Variants in ANKRD44 observed in about 807,000 individuals in gnomAD.
The protein encoded by ANKRD44 is serine/threonine-protein phosphatase 6 regulatory ankyrin repeat subunit B.
ANKRD44 carries 35 observed loss-of-function variants against 116.0 expected under a neutral mutation model. The ratio of observed to expected loss-of-function variants is 0.30; its 90% CI spans 0.23 to 0.40. The LOEUF (loss-of-function observed/expected upper bound fraction) is 0.40. Among genes scored for constraint, ANKRD44 ranks in the 10% least tolerant of loss-of-function variants. The pLI, the probability that ANKRD44 is intolerant of heterozygous loss-of-function variation, is 1.00. For synonymous variants in ANKRD44, 435 were observed against 461.8 expected (o/e 0.94, Z 0.74); for missense variants, 1,014 against 1,242.6 (o/e 0.82, Z 2.77).
At chr2:197,147,402 C>T (rs2079531870) in intron 2 of ANKRD44, among the ~76,000 whole-genome samples, 1 of 143,084 alleles carries the variant, frequency 7.0e-6, no homozygotes, top group Non-Finnish European at 1.5e-5. Flanking sequence ...TTTCAACTTA[C>T]AGTATTTCCA....
At chr2:197,044,161 G>A (rs1338706952) in intron 16 of ANKRD44, among the ~76,000 whole-genome samples, 1 of 152,168 alleles carries the variant, frequency 6.6e-6, no homozygotes, top group Non-Finnish European at 1.5e-5. Context: ...ATACTTCTCT[G>A]TATGTTATCA....
At chr2:197,291,927 G>GCT (rs1344408259) in intron 1 of ANKRD44, among the ~76,000 whole-genome samples, 1 of 151,642 alleles carries the variant, frequency 6.6e-6, no homozygotes, top group Non-Finnish European at 1.5e-5. Flanking sequence ...TGCAGTGTTT[G>GCT]CTCTTCTGTC....
chr2:197,131,057 C>T (rs1181245339), intron 4 of ANKRD44, among the ~76,000 whole-genome samples: 1 of 152,214 alleles, frequency 6.6e-6, no homozygotes, highest in African/African-American at 2.4e-5. Flanking sequence ...ACTTCGTTGG[C>T]TCCCTACTAA....
chr2:197,019,005 G>C (rs2076444739), intron 17 of ANKRD44, among the ~76,000 whole-genome samples: 1 of 152,074 alleles, frequency 6.6e-6, no homozygotes, highest in Admixed American at 6.5e-5. Flanking sequence ...ACGCTTTTAG[G>C]TGCCATCTTA....
intron 17 of ANKRD44, chr2:197,015,060 T>C (rs2076366159): frequency 4.2e-6 from 1 of 239,740 alleles, no homozygotes; most frequent in South Asian, 5.9e-5. Flanking sequence ...AGAGAACATT[T>C]TGAGAAATGG....
At chr2:196,996,288 C>T (rs910523996) in intron 25 of ANKRD44, among the ~76,000 whole-genome samples, 2 of 152,214 alleles carry the variant, frequency 1.3e-5, no homozygotes, top group African/African-American at 2.4e-5. Context: ...CTTATATTCA[C>T]CAAAATACTA....
chr2:197,105,576 G>A (rs1446740995), intron 9 of ANKRD44, among the ~76,000 whole-genome samples: 3 of 152,210 alleles, frequency 2.0e-5, no homozygotes, highest in Non-Finnish European at 4.4e-5. Context: ...CATTGGTGGA[G>A]ATCACGGAAT....
intron 1 of ANKRD44, among the ~76,000 whole-genome samples, chr2:197,289,696 G>A (rs551148811): frequency 3.3e-4 from 50 of 152,144 alleles, no homozygotes; most frequent in Admixed American, 5.2e-4. Flanking sequence ...ATTTGCCTAG[G>A]ATGTAAAGTA....
chr2:197,248,578 G>GTGTATATATATATATATATATATA (rs544362365), intron 1 of ANKRD44, among the ~76,000 whole-genome samples: 2 of 144,226 alleles, frequency 1.4e-5, no homozygotes, highest in African/African-American at 5.4e-5. Context: ...GTGTGTGTGT[G>GTGTATATATATATATATATATATA]TATATATATA....
intron 1 of ANKRD44, among the ~76,000 whole-genome samples, chr2:197,250,565 G>A (rs1482461296): frequency 1.3e-5 from 2 of 152,222 alleles, no homozygotes; most frequent in East Asian, 3.9e-4. Flanking sequence ...AGTTAAGAGT[G>A]CCTCCCAAAT....
intron 17 of ANKRD44, among the ~76,000 whole-genome samples, chr2:197,020,752 C>T (rs954165497): frequency 6.6e-6 from 1 of 151,580 alleles, no homozygotes; most frequent in Non-Finnish European, 1.5e-5. Context: ...CTTTAAAAAG[C>T]CTTATTAGGT....
At chr2:197,040,472 G>A (rs933228555) in intron 16 of ANKRD44, among the ~76,000 whole-genome samples, 6 of 149,910 alleles carry the variant, frequency 4.0e-5, no homozygotes, top group Non-Finnish European at 7.4e-5. Flanking sequence ...CGCTTCCCGG[G>A]CTCAAGTGAT....
rs545970586 is a variant in ANKRD44, at chr2:197,096,343, AC to A, written c.1100+3472del. ...GAGCCAGTTATTCATAAACTATAAT[AC>A]CCCTAATTCTGCTGTTGAGGCAGAA... On this transcript the variant is annotated intron_variant, in intron 10 of 27. Transcript: ENST00000282272. 8.3e-4 allele frequency among the ~76,000 whole-genome samples: 126 copies of A among 152,316 alleles called. 1 individual carries two copies. In the South Asian group the frequency reaches 0.026, roughly 31 times the overall value.
chr2:197,114,917 G>A (rs549890203), intron 8 of ANKRD44, among the ~76,000 whole-genome samples: 7 of 152,150 alleles, frequency 4.6e-5, no homozygotes, highest in East Asian at 1.9e-4. Context: ...GAGATGGAAC[G>A]TGGTTGGCTC....
intron 3 of ANKRD44, among the ~76,000 whole-genome samples, chr2:197,146,471 G>A (rs2079505105): frequency 6.6e-6 from 1 of 152,000 alleles, no homozygotes. Flanking sequence ...AATCTAGGGT[G>A]TGCATATATA....
chr2:197,099,641 T>C (rs2078242654), intron 10 of ANKRD44, 175 bp downstream of exon 10: 3 of 1,311,836 alleles, frequency 2.3e-6, no homozygotes, highest in South Asian at 4.8e-5. Context: ...TTGGTTCTTC[T>C]TTGCCTCTGT....
intron 1 of ANKRD44, among the ~76,000 whole-genome samples, chr2:197,258,609 G>A (rs867197021): frequency 2.3e-4 from 35 of 152,054 alleles, no homozygotes; most frequent in African/African-American, 6.8e-4. Context: ...ATACCCAGAC[G>A]TAGGATTGCT....
chr2:197,012,747 C>T (rs770345798), intron 18 of ANKRD44, among the ~76,000 whole-genome samples: 1 of 152,184 alleles, frequency 6.6e-6, no homozygotes, highest in Non-Finnish European at 1.5e-5. Flanking sequence ...CACTTATTTG[C>T]TTCCTCAATA....
intron 16 of ANKRD44, among the ~76,000 whole-genome samples, chr2:197,059,430 C>T (rs932148003): frequency 5.3e-5 from 8 of 152,012 alleles, no homozygotes; most frequent in African/African-American, 1.7e-4. Flanking sequence ...TGATTCTAGC[C>T]CAGTCAATAA....
Sources: allele counts gnomAD v4.1 joint callset (sites outside exome capture counted in the v4.1 genomes callset), GRCh38; gene constraint gnomAD v4.1.1; transcripts MANE v1.5; gene names NCBI Gene and HGNC (gene_info 2026-07-23, HGNC 2026-07-21).